Variants in GOLGA8S observed in about 807,000 individuals in gnomAD.
GOLGA8S encodes golgin subfamily A member 8S.
A neutral mutation model predicts 58.9 loss-of-function variants in GOLGA8S; 23 were observed. The observed-to-expected ratio is 0.39, with a 90% confidence interval of 0.28 to 0.55. The LOEUF (loss-of-function observed/expected upper bound fraction) is 0.55. Ranked by LOEUF, GOLGA8S falls within the 20% of genes least tolerant of loss-of-function variation. The probability of loss-of-function intolerance (pLI) is 0.63; values close to 1 mark genes in which losing one functional copy is unlikely to be tolerated. For synonymous variants in GOLGA8S, 84 were observed against 195.7 expected (o/e 0.43, Z 4.76); for missense variants, 266 against 514.2 (o/e 0.52, Z 4.67).
At chr15:23,359,409 A>C (rs1319587300) in intron 8 of GOLGA8S, among the ~76,000 whole-genome samples, 200 bp downstream of exon 8, 2 of 146,630 alleles carry the variant, frequency 1.4e-5, no homozygotes, top group Non-Finnish European at 3.0e-5. Flanking sequence ...CTCTGGGGAC[A>C]AAGCACAGGA....
chr15:23,367,788 AT>A (rs2069945659), downstream of GOLGA8S, among the ~76,000 whole-genome samples: 1 of 151,932 alleles, frequency 6.6e-6, no homozygotes, highest in Non-Finnish European at 1.5e-5. Flanking sequence ...GAATTTTAAA[AT>A]GTGAGTTCCA....
At position 23,354,999 on chromosome 15, in the gene GOLGA8S, C is replaced by T. The variant is rs1375389932; in HGVS notation, c.48+106C>T. 11 of 413,588 alleles carry T rather than the reference C, an allele frequency of 2.7e-5. 2 individuals carry two copies. The African/African-American group carries it at 3.3e-4, about 13-fold the overall frequency. 25.6% of individuals were successfully genotyped at this position (413,588 alleles called of 1,614,324 possible). A position where few individuals can be genotyped will look rare whatever the true frequency, so the allele number is the denominator to read the frequency against. The stretch of plus-strand genomic sequence containing the variant: ...ACTCCCGAGGTTCACCGGACTGGGG[C>T]CCCCACACCAGTGCCTCTGGGCTAC... On this transcript the variant is annotated intron_variant, in intron 1 of 18. Transcript: ENST00000562295.
chr15:23,356,202 G>C (rs1237348722), intron 1 of GOLGA8S, among the ~76,000 whole-genome samples: 2 of 145,184 alleles, frequency 1.4e-5, no homozygotes, highest in Non-Finnish European at 3.1e-5. Flanking sequence ...AGTTTGAGAG[G>C]TACAGGTGCA....
chr15:23,361,329 A>T, exon 12 of GOLGA8S: 2 of 1,213,322 alleles, frequency 1.6e-6, no homozygotes, highest in Non-Finnish European at 1.2e-6. Flanking sequence ...CAGGTGGAGT[A>T]CAATCAGCGC....
chr15:23,360,996 G>A (rs1374003501), intron 11 of GOLGA8S, among the ~76,000 whole-genome samples, 181 bp downstream of exon 11: 1 of 149,164 alleles, frequency 6.7e-6, no homozygotes, highest in Non-Finnish European at 1.5e-5. Context: ...TCAGCAAAGA[G>A]GGCCCGTTGT....
At chr15:23,362,137 A>G (rs1314944863) in intron 13 of GOLGA8S, among the ~76,000 whole-genome samples, 1 of 149,772 alleles carries the variant, frequency 6.7e-6, no homozygotes, top group Non-Finnish European at 1.5e-5. Flanking sequence ...AGGCAGGAGA[A>G]TCACTTGAGG....
intron 15 of GOLGA8S, among the ~76,000 whole-genome samples, 188 bp from the exon 16 acceptor site, chr15:23,364,155 G>T (rs564673727): frequency 2.2e-5 from 3 of 138,456 alleles, no homozygotes; most frequent in African/African-American, 7.5e-5. Flanking sequence ...AGGAGCCAGA[G>T]GCAGCCAGAG....
rs1489360466 is a variant in GOLGA8S at position 23,361,153 on chromosome 15, T to C, written c.875-68T>C. The stretch of plus-strand genomic sequence containing the variant: ...GAGGGTTTTTTCTTTTCTTTTCTTT[T>C]CTTTTCTTTTCTTTTCTTTTTTTTT... On this transcript the variant is annotated intron_variant, in intron 11 of 18. Coordinates refer to ENST00000562295, the Ensembl canonical transcript of GOLGA8S. The C allele has an allele frequency of 1.1e-5, 11 of 981,160 alleles. 1 individual carries two copies. The highest frequency in any genetic ancestry group is 5.7e-5 in the Admixed American group (2 of 34,828). 60.8% of individuals were successfully genotyped at this position (981,160 alleles called of 1,614,324 possible).
chr15:23,354,998 G>GC lies in GOLGA8S; in HGVS notation c.48+110dup, dbSNP rs1366282733. The stretch of plus-strand genomic sequence containing the variant: ...CACTCCCGAGGTTCACCGGACTGGG[G>GC]CCCCCACACCAGTGCCTCTGGGCTA... On this transcript the variant is annotated intron_variant, in intron 1 of 18. Coordinates refer to ENST00000562295, the Ensembl canonical transcript of GOLGA8S. 5 of 412,146 alleles carry GC rather than the reference G, an allele frequency of 1.2e-5. 2 individuals are homozygous for GC. In the African/African-American group the frequency reaches 1.5e-4, roughly 13 times the overall value. The allele number at this position is 412,146 out of a possible 1,614,324, so 25.5% of individuals were successfully genotyped here.
rs748696431 is a variant in GOLGA8S at position 23,360,717 on chromosome 15, G to A, written c.787-11G>A. ...TCTCTCCAGGGCCCTTTCCCCCTGT[G>A]CTTTGGGCAGGTTTGCTCGTTGAAG... On this transcript the variant is annotated splice_polypyrimidine_tract_variant and intron_variant, in intron 10 of 18. Transcript: ENST00000562295. The A allele has an allele frequency of 1.7e-4, 178 of 1,075,294 alleles. 10 individuals carry two copies. Among genetic ancestry groups the A allele is most frequent in the Non-Finnish European group, 2.4e-4 (163 of 691,974 alleles). 66.6% of individuals were successfully genotyped at this position (1,075,294 alleles called of 1,614,324 possible). A position where few individuals can be genotyped will look rare whatever the true frequency, so the allele number is the denominator to read the frequency against.
At chr15:23,364,430 G>A (rs748992613) in exon 16 of GOLGA8S, 2 of 1,605,174 alleles carry the variant, frequency 1.2e-6, no homozygotes, top group Admixed American at 3.3e-5. Context: ...ATACTGGCAA[G>A]AGAGATGCCA....
intron 11 of GOLGA8S, 46 bp from the exon 12 acceptor site, chr15:23,361,154 CTTTTCTTTTCTTTTCTTTTTT>C (rs2069786857): frequency 1.1e-5 from 11 of 968,818 alleles, no homozygotes; most frequent in Middle Eastern, 3.5e-4. Context: ...CTTTTCTTTT[CTTTTCTTTTCTTTTCTTTTTT>C]TTTTTTTGGA....
chr15:23,359,700 A>G (rs912390639), intron 8 of GOLGA8S, among the ~76,000 whole-genome samples: 18 of 142,704 alleles, frequency 1.3e-4, no homozygotes, highest in African/African-American at 4.7e-4. Flanking sequence ...ATTTGAATGT[A>G]TTATCCTTTC....
intron 11 of GOLGA8S, 23 bp from the exon 12 acceptor site, chr15:23,361,198 T>C (rs2141025667): frequency 7.5e-7 from 1 of 1,327,838 alleles, no homozygotes; most frequent in East Asian, 2.3e-5. Context: ...CCAGAGGCTC[T>C]TATTGTCTGC....
At position 23,364,531 on chromosome 15, in the gene GOLGA8S, T is replaced by C. The variant is rs3826016; in HGVS notation, c.1454T>C (p.Ile485Thr). The change falls in exon 17 of 19, where the codon ATC becomes ACC. Residue 485 changes from isoleucine to threonine, a missense_variant. Physicochemically the swap from Ile to Thr is moderately conservative, Grantham distance 89. Coordinates refer to ENST00000562295, the Ensembl canonical transcript of GOLGA8S. Reference sequence around the variant, plus strand: ...TGAGCCCTGTCCTCCCGCAGGAAAATCCATCACCTTTTATCAGAACCAGGG... The same window carrying C: ...TGAGCCCTGTCCTCCCGCAGGAAAACCCATCACCTTTTATCAGAACCAGGG... 7,968 of 1,587,840 alleles carry C rather than the reference T, an allele frequency of 5.0e-3. 133 individuals carry two copies. The highest frequency in any genetic ancestry group is 6.6e-3 in the South Asian group (592 of 89,986).
At chr15:23,367,797 C>T (rs187630100), downstream of GOLGA8S, among the ~76,000 whole-genome samples, 4 of 151,872 alleles carry the variant, frequency 2.6e-5, no homozygotes, top group Non-Finnish European at 5.9e-5. Context: ...AATGTGAGTT[C>T]CACTGAATAC....
intron 10 of GOLGA8S, 94 bp downstream of exon 10, chr15:23,360,626 A>G (rs660225): frequency 7.9e-7 from 1 of 1,270,092 alleles, no homozygotes; most frequent in Non-Finnish European, 1.1e-6. Context: ...AGAGGTGGTC[A>G]TGGGACTGGG....
Position 23,360,434 on chromosome 15 carries a change from TC to T in GOLGA8S, c.689del (p.Ser230TyrfsTer7), listed in dbSNP as rs2069767028. 1.2e-6 allele frequency: 1 copy of T among 802,592 alleles called. No homozygotes were observed. The highest frequency in any genetic ancestry group is 2.2e-6 in the Non-Finnish European group (1 of 450,312). The allele number at this position is 802,592 out of a possible 1,614,324, so 49.7% of individuals were successfully genotyped here. A position where few individuals can be genotyped will look rare whatever the true frequency, so the allele number is the denominator to read the frequency against. On this transcript the variant is annotated frameshift_variant, in exon 10 of 19. Transcript: ENST00000562295. LOFTEE classifies it high-confidence loss of function. ...GTGCCCATTCTTGCAGTTGAAGGAG[TC>T]ACTTAAAGAAGTCCAGCTAGAGAGG...
Position 23,364,089 on chromosome 15 carries a change from T to G in GOLGA8S, c.1348-254T>G, listed in dbSNP as rs1310770056. ...AAGCAGGCACAGTTACAAGAGCAGG[T>G]GAAAGAGCAGAGGGTGGCTGCCAGC... On this transcript the variant is annotated intron_variant, in intron 15 of 18. Transcript: ENST00000562295. Among the ~76,000 whole-genome samples the G allele has an allele frequency of 1.5e-5, 2 of 134,258 alleles. 1 individual carries two copies. Among genetic ancestry groups the G allele is most frequent in the South Asian group, 6.1e-4 (2 of 3,294 alleles). 88.1% of individuals were successfully genotyped at this position (134,258 alleles called of 152,430 possible).
Sources: allele counts gnomAD v4.1 joint callset (sites outside exome capture counted in the v4.1 genomes callset), GRCh38; gene constraint gnomAD v4.1.1; transcripts MANE v1.5; gene names NCBI Gene and HGNC (gene_info 2026-07-23, HGNC 2026-07-21).